The following ZNF451 variants were observed in gnomAD, a reference collection of about 807,000 sequenced individuals.
ZNF451 encodes zinc finger protein 451.
A neutral mutation model predicts 107.1 loss-of-function variants in ZNF451; 80 were observed. The ratio of observed to expected loss-of-function variants is 0.75; its 90% confidence interval spans 0.62 to 0.90. The LOEUF (loss-of-function observed/expected upper bound fraction) is 0.90. Among genes scored for constraint, ZNF451 ranks in the 40% least tolerant of loss-of-function variants. The pLI, the probability that ZNF451 is intolerant of heterozygous loss-of-function variation, is 0.00. For missense variants in ZNF451, 1,107 were observed against 1,236.2 expected, an observed-to-expected ratio of 0.90 and a Z score of 1.57; for synonymous variants, 362 against 406.5, an observed-to-expected ratio of 0.89 and a Z score of 1.32.
chr6:57,121,167 G>C (rs778295008), intron 3 of ZNF451, among the ~76,000 whole-genome samples: 31 of 151,994 alleles, frequency 2.0e-4, no homozygotes, highest in Non-Finnish European at 3.8e-4. Flanking sequence ...TATTGTTTTT[G>C]CTCCTCTGTC....
chr6:57,163,546 G>A (rs1333274475), intron 14 of ZNF451, among the ~76,000 whole-genome samples: 1 of 133,080 alleles, frequency 7.5e-6, no homozygotes, highest in East Asian at 2.3e-4. Context: ...CGCCTCCCGG[G>A]TTCACGCCAT....
chr6:57,103,327 G>T, intron 3 of ZNF451: 2 of 985,394 alleles, frequency 2.0e-6, no homozygotes, highest in Non-Finnish European at 2.4e-6. Context: ...TTAATGATTT[G>T]AAAGGCTGAA....
intron 3 of ZNF451, chr6:57,102,805 T>G: frequency 1.0e-6 from 1 of 985,458 alleles, no homozygotes; most frequent in Non-Finnish European, 1.2e-6. Context: ...GTAACATCTC[T>G]GTAGAAATTG....
At chr6:57,164,137 TA>T in intron 14 of ZNF451, among the ~76,000 whole-genome samples, 1 of 152,212 alleles carries the variant, frequency 6.6e-6, no homozygotes. Context: ...AGGCCAGTCA[TA>T]ACAATCCCAT....
At chr6:57,102,813 T>C in intron 3 of ZNF451, 1 of 985,428 alleles carries the variant, frequency 1.0e-6, no homozygotes, top group Non-Finnish European at 1.2e-6. Flanking sequence ...TCTGTAGAAA[T>C]TGCACAGTAA....
At chr6:57,094,259 G>C (rs1323765088) in intron 2 of ZNF451, among the ~76,000 whole-genome samples, 2 of 152,044 alleles carry the variant, frequency 1.3e-5, no homozygotes, top group Non-Finnish European at 2.9e-5. Flanking sequence ...CCCCTAAATT[G>C]TGTGGTATTG....
chr6:57,104,660 G>C, intron 3 of ZNF451: 1 of 984,706 alleles, frequency 1.0e-6, no homozygotes, highest in Non-Finnish European at 1.2e-6. Context: ...TTTTTTAAGC[G>C]TATGGTAGTG....
intron 13 of ZNF451, among the ~76,000 whole-genome samples, chr6:57,160,498 TA>T (rs1420002645): frequency 2.6e-5 from 4 of 152,090 alleles, no homozygotes; most frequent in African/African-American, 9.7e-5. Context: ...CATACCTGGC[TA>T]ATTTTTTGTA....
intron 9 of ZNF451, among the ~76,000 whole-genome samples, chr6:57,143,213 G>A (rs147726915): frequency 4.9e-4 from 74 of 152,208 alleles, no homozygotes; most frequent in African/African-American, 1.8e-3. Context: ...TGCATTAGGT[G>A]TATAATTTGT....
intron 3 of ZNF451, chr6:57,105,624 T>C (rs1461803088): frequency 1.0e-6 from 1 of 985,296 alleles, no homozygotes; most frequent in Admixed American, 6.1e-5. Flanking sequence ...AACTAGACAG[T>C]AGTTCCTTTT....
At chr6:57,142,174 C>A in intron 9 of ZNF451, 79 bp downstream of exon 9, 1 of 1,422,684 alleles carries the variant, frequency 7.0e-7, no homozygotes. Context: ...CATTTTCTTT[C>A]CATGTTTCTC....
At chr6:57,102,959 A>G (rs1441715996) in intron 3 of ZNF451, 10 of 985,448 alleles carry the variant, frequency 1.0e-5, no homozygotes, top group Non-Finnish European at 1.2e-5. Flanking sequence ...AGACTGAGTC[A>G]TGGTAGTCTC....
chr6:57,132,915 A>C, intron 5 of ZNF451, 127 bp from the exon 6 acceptor site: 1 of 940,026 alleles, frequency 1.1e-6, no homozygotes, highest in Non-Finnish European at 1.6e-6. Flanking sequence ...GTTTTAAACA[A>C]TTATAATTAG....
chr6:57,135,510 TG>T (rs757808834), intron 7 of ZNF451, among the ~76,000 whole-genome samples: 69 of 152,212 alleles, frequency 4.5e-4, no homozygotes, highest in South Asian at 1.2e-3. Context: ...AGATAAGGAC[TG>T]GGATTAAGAT....
At chr6:57,168,268 A>G (rs754645366) in intron 14 of ZNF451, among the ~76,000 whole-genome samples, 155 bp from the exon 15 acceptor site, 1 of 152,186 alleles carries the variant, frequency 6.6e-6, no homozygotes, top group South Asian at 2.1e-4. Flanking sequence ...AAAATACTCA[A>G]TTTTTTAGTA....
At chr6:57,101,564 C>T (rs1400810036) in intron 3 of ZNF451, 1 of 1,550,818 alleles carries the variant, frequency 6.4e-7, no homozygotes, top group Non-Finnish European at 8.7e-7. Context: ...CACGCTGCCT[C>T]CATTGCAGCC....
chr6:57,154,065 C>T lies in ZNF451; in HGVS notation c.3070+18C>T. 1 of 1,613,562 alleles carries T rather than the reference C, an allele frequency of 6.2e-7. No individual in the cohort carries two copies. The highest frequency in any genetic ancestry group is 8.5e-7 in the Non-Finnish European group (1 of 1,179,912). On this transcript the variant is annotated intron_variant, in intron 13 of 14. Coordinates refer to ENST00000370706, the MANE Select transcript of ZNF451 (RefSeq NM_001031623.3). ...CACCAAAGGTACGCAGCTGCAGTCA[C>T]AGTGCAAACCACCCAAGAGGAGGAG...
intron 4 of ZNF451, 111 bp from the exon 5 acceptor site, chr6:57,128,618 G>A (rs1219445511): frequency 1.5e-6 from 1 of 667,514 alleles, no homozygotes. Context: ...TAGATGTGGA[G>A]TTCTGGGGAT....
intron 3 of ZNF451, chr6:57,104,378 G>A (rs2127942989): frequency 2.0e-6 from 2 of 985,356 alleles, no homozygotes; most frequent in Non-Finnish European, 2.4e-6. Context: ...GCACATAAGT[G>A]TTTCTGACTA....
Sources: allele counts gnomAD v4.1 joint callset (sites outside exome capture counted in the v4.1 genomes callset), GRCh38; gene constraint gnomAD v4.1.1; transcripts MANE v1.5; gene names NCBI Gene and HGNC (gene_info 2026-07-23, HGNC 2026-07-21).